GALNT3: variants seen among roughly 807,000 people sequenced by gnomAD.
GALNT3 encodes the protein GalNAc transferase 3.
In GALNT3, 51 loss-of-function variants were observed where a neutral mutation model predicts 69.8. The ratio of observed to expected loss-of-function variants is 0.73; its 90% CI spans 0.58 to 0.92. The LOEUF (loss-of-function observed/expected upper bound fraction) is 0.92. Among genes scored for constraint, GALNT3 ranks in the 40% least tolerant of loss-of-function variants. GALNT3 has a pLI of 0.00. For missense variants in GALNT3, 711 were observed against 760.0 expected (o/e 0.94, Z 0.76); for synonymous variants, 265 against 248.5 (o/e 1.07, Z -0.63).
At chr2:165,754,318 G>A (rs1031646320) in intron 9 of GALNT3, among the ~76,000 whole-genome samples, 8 of 148,840 alleles carry the variant, frequency 5.4e-5, no homozygotes, top group Non-Finnish European at 8.9e-5. Flanking sequence ...TTGAACTCCC[G>A]GCCTCAAGTG....
chr2:165,759,592 T>G (rs767432387), intron 4 of GALNT3, 22 bp from the exon 5 acceptor site: 1 of 1,567,132 alleles, frequency 6.4e-7, no homozygotes, highest in Non-Finnish European at 8.8e-7. Flanking sequence ...AGAATTTTAA[T>G]TAATTCAATA....
intron 1 of GALNT3, among the ~76,000 whole-genome samples, chr2:165,781,496 CTGAGGTAAGAACAT>C (rs1683110985): frequency 6.6e-6 from 1 of 151,746 alleles, no homozygotes. Context: ...ACTCAAGAGG[CTGAGGTAAGAACAT>C]TGCTTGAGCC....
At chr2:165,749,475 A>T (rs1321022445) in intron 10 of GALNT3, among the ~76,000 whole-genome samples, 1 of 152,164 alleles carries the variant, frequency 6.6e-6, no homozygotes, top group Non-Finnish European at 1.5e-5. Context: ...ATAGTAAAAA[A>T]CAAGCGACTA....
chr2:165,749,879 C>A lies in GALNT3; in HGVS notation c.1642G>T (p.Ala548Ser). 6.2e-7 allele frequency: 1 copy of A among 1,613,432 alleles called. No homozygotes were observed. Among genetic ancestry groups the A allele is most frequent in the Non-Finnish European group, 8.5e-7 (1 of 1,179,540 alleles). The change falls in exon 10 of 11, where the codon GCT (alanine) becomes TCT (serine). Residue 548 changes from alanine to serine, a missense_variant. By Grantham distance (99) the Ala-to-Ser change is moderately conservative. Transcript: ENST00000392701. ...ATGTTGTGCCGAATTTCATGTTGAG[C>A]AGAGTATTCAAAGTACTATGGAAGG... is the stretch of plus-strand genomic sequence containing the variant. Reference protein sequence around the residue: ...LGGNQYFEYSAQHEIRHNIQK... With the variant: ...LGGNQYFEYSSQHEIRHNIQK...
chr2:165,792,908 T>C (rs1410726601), intron 1 of GALNT3, among the ~76,000 whole-genome samples: 1 of 152,192 alleles, frequency 6.6e-6, no homozygotes, highest in East Asian at 1.9e-4. Context: ...GATTTTCTAA[T>C]TAAAATGCTG....
chr2:165,794,224 C>A lies in GALNT3; in HGVS notation c.-318G>T, dbSNP rs1222936430. The A allele has an allele frequency of 6.6e-6, 1 of 152,576 alleles. No homozygotes were observed. Among genetic ancestry groups the A allele is most frequent in the Non-Finnish European group, 1.5e-5 (1 of 68,182 alleles). The allele number at this position is 152,576 out of a possible 1,614,324, so 9.5% of individuals were successfully genotyped here. A position where few individuals can be genotyped will look rare whatever the true frequency, so the allele number is the denominator to read the frequency against. ...AGAGGCAGAACCGAGGCTCGGCTTC[C>A]ACTTGGAGTCTCCCAGGTGAGCTCC... On this transcript the variant is annotated 5_prime_UTR_variant, in exon 1 of 11. Transcript: ENST00000392701.
At position 165,748,908 on chromosome 2, in the gene GALNT3, A is replaced by G; in HGVS notation, c.1780-5T>C. The G allele has an allele frequency of 2.5e-6, 4 of 1,607,500 alleles. No homozygotes were observed. Among genetic ancestry groups the G allele is most frequent in the Non-Finnish European group, 2.6e-6 (3 of 1,175,510 alleles). ...TGGATTGTATAGAAGTTGATCCTAG[A>G]ATAAAAGGAAACAACAGACATTAAA... On this transcript the variant is annotated splice_region_variant and splice_polypyrimidine_tract_variant and intron_variant, in intron 10 of 10. Coordinates refer to ENST00000392701, the MANE Select transcript of GALNT3 (RefSeq NM_004482.4).
Position 165,747,711 on chromosome 2 carries a change from C to G in GALNT3, c.*1070G>C, listed in dbSNP as rs184957636. ...ATCTGATGGTTTTACAAACAATAGG[C>G]GCTTAGAAATTCAGCATACAAAATT... On this transcript the variant is annotated 3_prime_UTR_variant, in exon 11 of 11. Coordinates refer to ENST00000392701, the MANE Select transcript of GALNT3 (RefSeq NM_004482.4). 124 of 155,230 alleles carry G rather than the reference C, an allele frequency of 8.0e-4. No homozygotes were observed. Among genetic ancestry groups the G allele is most frequent in the Non-Finnish European group, 1.6e-3 (110 of 70,040 alleles). 9.6% of individuals were successfully genotyped at this position (155,230 alleles called of 1,614,324 possible).
At position 165,788,865 on chromosome 2, in the gene GALNT3, G is replaced by C. The variant is rs1056628789; in HGVS notation, c.-109+5150C>G. On this transcript the variant is annotated intron_variant, in intron 1 of 10. Coordinates refer to ENST00000392701, the MANE Select transcript of GALNT3 (RefSeq NM_004482.4). ...ATTTTAAGGGCTGTGGGTTCTATCC[G>C]GTAAGCAACAGAAAATTGTTGAAGG... Among the ~76,000 whole-genome samples the C allele has an allele frequency of 4.6e-5, 7 of 152,104 alleles. No individual in the cohort carries two copies. The South Asian group carries it at 8.3e-4, about 18-fold the overall frequency.
chr2:165,764,466 T>A (rs1688603737), intron 3 of GALNT3, among the ~76,000 whole-genome samples: 2 of 152,186 alleles, frequency 1.3e-5, no homozygotes. Context: ...ATTTATAAAT[T>A]AACAACACAT....
At chr2:165,751,175 T>C (rs903709674) in intron 9 of GALNT3, among the ~76,000 whole-genome samples, 2 of 152,152 alleles carry the variant, frequency 1.3e-5, no homozygotes, top group African/African-American at 4.8e-5. Flanking sequence ...TTAACATAAT[T>C]GATTTTCAAT....
chr2:165,783,553 C>A (rs1683157019), intron 1 of GALNT3, among the ~76,000 whole-genome samples: 1 of 152,164 alleles, frequency 6.6e-6, no homozygotes, highest in South Asian at 2.1e-4. Flanking sequence ...AAAGTGTCAA[C>A]AAACTTTTTA....
rs778598587 is a variant in GALNT3, at chr2:165,755,042, T to C, written c.1414A>G (p.Lys472Glu). 1 of 1,612,536 alleles carries C rather than the reference T, an allele frequency of 6.2e-7. No homozygotes were observed. The highest frequency in any genetic ancestry group is 8.5e-7 in the Non-Finnish European group (1 of 1,178,872). ...VKQKAFGDLS[K>E]RFEIKHRLQC... The stretch of plus-strand genomic sequence containing the variant: ...AGGCGGTGTTTTATTTCAAATCTTT[T>C]TGAAAGATCACCAAATGCTTTCTGT... The change falls in exon 8 of 11, where the codon AAA (lysine) becomes GAA (glutamate). Residue 472 changes from lysine to glutamate, a missense_variant. Physicochemically the swap from Lys to Glu is moderately conservative, Grantham distance 56. Transcript: ENST00000392701.
chr2:165,792,013 G>A (rs1210810907), intron 1 of GALNT3, among the ~76,000 whole-genome samples: 1 of 152,166 alleles, frequency 6.6e-6, no homozygotes, highest in Non-Finnish European at 1.5e-5. Context: ...TGTGGGTGGT[G>A]AAAAGTAAGA....
In GALNT3 at chr2:165,748,628, A is replaced by T; in HGVS notation, c.*153T>A. On this transcript the variant is annotated 3_prime_UTR_variant, in exon 11 of 11. Transcript: ENST00000392701. Reference sequence around the variant, plus strand: ...AAACAGAAACTTGCAGAATTTCTGTAGTAGTGCTACATAAAGATATAAATA... The same window carrying T: ...AAACAGAAACTTGCAGAATTTCTGTTGTAGTGCTACATAAAGATATAAATA... 1.5e-6 allele frequency: 1 copy of T among 666,976 alleles called. No individual in the cohort carries two copies. The highest frequency in any genetic ancestry group is 2.5e-6 in the Non-Finnish European group (1 of 393,634). The allele number at this position is 666,976 out of a possible 1,614,324, so 41.3% of individuals were successfully genotyped here. A position where few individuals can be genotyped will look rare whatever the true frequency, so the allele number is the denominator to read the frequency against.
intron 1 of GALNT3, among the ~76,000 whole-genome samples, chr2:165,773,125 T>C (rs567750383): frequency 6.6e-6 from 1 of 152,250 alleles, no homozygotes; most frequent in East Asian, 1.9e-4. Context: ...TGAATGGTGA[T>C]ATGGTTTGGC....
chr2:165,748,979 G>A, intron 10 of GALNT3, 76 bp from the exon 11 acceptor site: 5 of 1,447,210 alleles, frequency 3.5e-6, no homozygotes, highest in Non-Finnish European at 4.8e-6. Context: ...AGATTTTATG[G>A]TTTCATTGAA....
chr2:165,776,222 T>C (rs1473820022), intron 1 of GALNT3, among the ~76,000 whole-genome samples: 1 of 152,190 alleles, frequency 6.6e-6, no homozygotes, highest in Non-Finnish European at 1.5e-5. Context: ...CCATGTTCCT[T>C]GTCAGTACTA....
intron 7 of GALNT3, among the ~76,000 whole-genome samples, chr2:165,756,475 G>C (rs192545652): frequency 6.6e-6 from 1 of 151,922 alleles, no homozygotes; most frequent in South Asian, 2.1e-4. Context: ...GACAGCATGC[G>C]TATTTCATCT....
Sources: allele counts gnomAD v4.1 joint callset (sites outside exome capture counted in the v4.1 genomes callset), GRCh38; gene constraint gnomAD v4.1.1; transcripts MANE v1.5; gene names NCBI Gene and HGNC (gene_info 2026-07-23, HGNC 2026-07-21).